The following N4BP2L2 variants were observed in gnomAD, a reference collection of about 807,000 sequenced individuals.
N4BP2L2 encodes the protein NEDD4-binding protein 2-like 2.
N4BP2L2 carries 50 observed loss-of-function variants against 56.2 expected under a neutral mutation model. The ratio of observed to expected loss-of-function variants is 0.89; its 90% CI spans 0.71 to 1.13. The LOEUF (loss-of-function observed/expected upper bound fraction) is 1.13, where lower values mean the gene tolerates loss of function less well. Ranked by LOEUF, N4BP2L2 falls within the 50% of genes most tolerant of loss-of-function variation. The pLI is 0.00. For missense variants in N4BP2L2, 689 were observed against 693.8 expected (o/e 0.99, Z 0.08); for synonymous variants, 203 against 223.6 (o/e 0.91, Z 0.82).
At chr13:32,480,723 GCTA>G (rs1397610225) in intron 6 of N4BP2L2, 27 of 727,698 alleles carry the variant, frequency 3.7e-5, no homozygotes, top group African/African-American at 3.0e-4. Context: ...CCACAACTGT[GCTA>G]CTACTATTTT....
intron 3 of N4BP2L2, chr13:32,522,734 G>A (rs1320230773): frequency 6.6e-6 from 1 of 152,286 alleles, no homozygotes; most frequent in Non-Finnish European, 1.5e-5. Flanking sequence ...TAGAGCTGGG[G>A]AAGACTTATG....
At chr13:32,525,669 T>C (rs3168729) in intron 3 of N4BP2L2, 1 of 152,288 alleles carries the variant, frequency 6.6e-6, no homozygotes, top group Non-Finnish European at 1.5e-5. Context: ...ACCCCATCTC[T>C]AAAACACACA....
intron 3 of N4BP2L2, 198 bp from the exon 4 acceptor site, chr13:32,522,468 A>G: frequency 2.7e-6 from 1 of 374,314 alleles, no homozygotes; most frequent in Non-Finnish European, 4.6e-6. Context: ...TGCCAGGTGC[A>G]TTCTCCAGAC....
chr13:32,466,477 G>A (rs571990674), intron 6 of N4BP2L2, among the ~76,000 whole-genome samples: 1 of 151,964 alleles, frequency 6.6e-6, no homozygotes, highest in African/African-American at 2.4e-5. Context: ...TGAGGCACAA[G>A]AATCCCTTGA....
intron 2 of N4BP2L2, among the ~76,000 whole-genome samples, chr13:32,530,295 G>A (rs781769808): frequency 3.3e-5 from 5 of 151,800 alleles, no homozygotes; most frequent in Non-Finnish European, 5.9e-5. Flanking sequence ...TTCAAATTCC[G>A]TGAATTACTT....
At chr13:32,534,707 G>A (rs990608919) in intron 2 of N4BP2L2, among the ~76,000 whole-genome samples, 2 of 152,126 alleles carry the variant, frequency 1.3e-5, no homozygotes, top group African/African-American at 4.8e-5. Flanking sequence ...TGAAAAAGAT[G>A]TTTATTTAGG....
chr13:32,509,210 G>A (rs1268315326), downstream of N4BP2L2: 1 of 152,056 alleles, frequency 6.6e-6, no homozygotes, highest in Non-Finnish European at 1.5e-5. Context: ...AATCCAAGAA[G>A]CTCCAAAATC....
chr13:32,506,557 T>C (rs921858076), downstream of N4BP2L2: 3 of 152,064 alleles, frequency 2.0e-5, no homozygotes, highest in Admixed American at 1.3e-4. Context: ...AGCTTAAAAA[T>C]AAGGGAAATA....
At chr13:32,473,651 C>T (rs1030395795) in intron 6 of N4BP2L2, among the ~76,000 whole-genome samples, 8 of 152,154 alleles carry the variant, frequency 5.3e-5, no homozygotes, top group African/African-American at 1.4e-4. Flanking sequence ...TGAGAGAATC[C>T]ATTTCCTTGT....
chr13:32,451,994 A>T (rs997115483), intron 6 of N4BP2L2, among the ~76,000 whole-genome samples: 2 of 152,158 alleles, frequency 1.3e-5, no homozygotes, highest in African/African-American at 4.8e-5. Flanking sequence ...GTTCACTGCA[A>T]TCATATGCAT....
chr13:32,528,214 A>G (rs1291795343), intron 2 of N4BP2L2, among the ~76,000 whole-genome samples: 1 of 152,200 alleles, frequency 6.6e-6, no homozygotes, highest in Non-Finnish European at 1.5e-5. Flanking sequence ...GGTAACCTAA[A>G]AAGCAAGTAA....
chr13:32,466,690 G>T (rs569392286), intron 6 of N4BP2L2, among the ~76,000 whole-genome samples: 1 of 152,292 alleles, frequency 6.6e-6, no homozygotes, highest in South Asian at 2.1e-4. Context: ...CAAAACTCAA[G>T]ATAGTGACTT....
At chr13:32,507,865 T>C (rs529635409), downstream of N4BP2L2, 1 of 152,058 alleles carries the variant, frequency 6.6e-6, no homozygotes, top group African/African-American at 2.4e-5. Flanking sequence ...GTGGCAAAAA[T>C]AAAAGTGGGG....
intron 6 of N4BP2L2, chr13:32,446,652 CAAAG>C (rs2077098591): frequency 4.4e-6 from 2 of 456,348 alleles, no homozygotes; most frequent in Non-Finnish European, 5.8e-6. Context: ...CTCTACTGTA[CAAAG>C]AAAGAGAGCC....
intron 6 of N4BP2L2, among the ~76,000 whole-genome samples, chr13:32,479,232 G>A (rs2084038129): frequency 1.3e-5 from 2 of 152,022 alleles, no homozygotes; most frequent in South Asian, 2.1e-4. Flanking sequence ...AGGAAATCTA[G>A]TTATCAATGT....
At chr13:32,464,482 C>T (rs1347323560) in intron 6 of N4BP2L2, among the ~76,000 whole-genome samples, 3 of 152,186 alleles carry the variant, frequency 2.0e-5, no homozygotes, top group Non-Finnish European at 4.4e-5. Flanking sequence ...AGAAAGCTCA[C>T]GTCCAACAGG....
chr13:32,518,134 C>T, intron 5 of N4BP2L2, 131 bp from the exon 6 acceptor site: 1 of 833,896 alleles, frequency 1.2e-6, no homozygotes, highest in East Asian at 2.8e-5. Flanking sequence ...TTCATCTGTC[C>T]ACATTTTATG....
chr13:32,536,443 T>G (rs755450837), exon 2 of N4BP2L2: 1 of 1,613,664 alleles, frequency 6.2e-7, no homozygotes, highest in South Asian at 1.1e-5. Context: ...AAGGTTCAGA[T>G]TCTTTACAAC....
intron 6 of N4BP2L2, among the ~76,000 whole-genome samples, chr13:32,501,498 C>T (rs2089989916): frequency 6.6e-6 from 1 of 151,644 alleles, no homozygotes; most frequent in Non-Finnish European, 1.5e-5. Flanking sequence ...TGAAATTAAT[C>T]ATACCAAATT....
Sources: gnomAD v4.1 joint callset for allele counts (sites outside exome capture counted in the v4.1 genomes callset) on GRCh38, gnomAD v4.1.1 for gene constraint, MANE v1.5 for transcripts, NCBI Gene and HGNC (gene_info 2026-07-23, HGNC 2026-07-21) for gene names.